PIK3AP1: variants seen among roughly 807,000 people sequenced by gnomAD.
PIK3AP1 encodes phosphoinositide 3-kinase adapter protein 1.
PIK3AP1 carries 21 observed loss-of-function variants against 88.1 expected under a neutral mutation model. The ratio of observed to expected loss-of-function variants is 0.24; its 90% confidence interval spans 0.17 to 0.34. The LOEUF (loss-of-function observed/expected upper bound fraction) is 0.34, where lower values mean the gene tolerates loss of function less well. Ranked by LOEUF, PIK3AP1 falls within the 10% of genes least tolerant of loss-of-function variation. The pLI is 1.00. For missense variants in PIK3AP1, 828 were observed against 1,035.7 expected (o/e 0.80, Z 2.75); for synonymous variants, 398 against 400.0 (o/e 1.00, Z 0.06).
intron 1 of PIK3AP1, among the ~76,000 whole-genome samples, chr10:96,710,213 A>ATTATTTATTTAT (rs10636821): frequency 1.2e-3 from 187 of 149,950 alleles, no homozygotes; most frequent in African/African-American, 4.3e-3. Context: ...ACGCTGTTTT[A>ATTATTTATTTAT]TTATTTATTT....
rs913833144 is a variant in PIK3AP1 at position 96,620,280 on chromosome 10, C to A, written c.1941+72G>T. ...CCAGGTACAGCAATACACAAGACAG[C>A]CATGGCCCAGCCCTCCTCTACTGTC... On this transcript the variant is annotated intron_variant, in intron 12 of 16. Transcript: ENST00000339364. 21 of 1,488,276 alleles carry A rather than the reference C, an allele frequency of 1.4e-5. No homozygotes were observed. The African/African-American group carries it at 2.8e-4, about 20-fold the overall frequency. The allele number at this position is 1,488,276 out of a possible 1,614,324, so 92.2% of individuals were successfully genotyped here. A position where few individuals can be genotyped will look rare whatever the true frequency, so the allele number is the denominator to read the frequency against.
chr10:96,616,803 G>T, intron 12 of PIK3AP1, 92 bp from the exon 13 acceptor site: 1 of 1,220,914 alleles, frequency 8.2e-7, no homozygotes, highest in Non-Finnish European at 1.2e-6. Flanking sequence ...CTGTTTGCAG[G>T]GTATATCACA....
At chr10:96,651,747 G>A in intron 4 of PIK3AP1, 96 bp from the exon 5 acceptor site, 2 of 1,373,638 alleles carry the variant, frequency 1.5e-6, no homozygotes, top group South Asian at 2.7e-5. Context: ...GAGTGGTGAG[G>A]ACACTAATTG....
intron 2 of PIK3AP1, among the ~76,000 whole-genome samples, chr10:96,671,487 C>T: frequency 6.6e-6 from 1 of 152,054 alleles, no homozygotes; most frequent in Non-Finnish European, 1.5e-5. Flanking sequence ...CCACAAGTCA[C>T]CAGCTACCCC....
chr10:96,650,019 T>C (rs1161046034), intron 6 of PIK3AP1, among the ~76,000 whole-genome samples: 4 of 152,230 alleles, frequency 2.6e-5, no homozygotes, highest in Admixed American at 2.6e-4. Flanking sequence ...TTTTTTAACA[T>C]GACAAACCCA....
chr10:96,702,177 G>C (rs1272758552), intron 2 of PIK3AP1, among the ~76,000 whole-genome samples: 1 of 152,116 alleles, frequency 6.6e-6, no homozygotes, highest in Non-Finnish European at 1.5e-5. Flanking sequence ...GGAAGATGCT[G>C]GTCAAAGAGT....
chr10:96,608,379 T>C (rs1052457764), intron 14 of PIK3AP1, among the ~76,000 whole-genome samples: 2 of 152,188 alleles, frequency 1.3e-5, no homozygotes, highest in African/African-American at 4.8e-5. Flanking sequence ...TTGCCCCCAG[T>C]GGGCTTTGCA....
intron 3 of PIK3AP1, among the ~76,000 whole-genome samples, chr10:96,655,980 C>T (rs1431588937): frequency 4.6e-5 from 7 of 152,192 alleles, no homozygotes. Context: ...GTAGGAAGTG[C>T]TTGCCCAATG....
At chr10:96,638,080 T>C (rs956689259) in intron 8 of PIK3AP1, among the ~76,000 whole-genome samples, 2 of 152,186 alleles carry the variant, frequency 1.3e-5, no homozygotes, top group African/African-American at 4.8e-5. Context: ...TGAATGTATT[T>C]TGCATGTGAG....
At chr10:96,617,508 A>G (rs1843010321) in intron 12 of PIK3AP1, among the ~76,000 whole-genome samples, 1 of 152,142 alleles carries the variant, frequency 6.6e-6, no homozygotes, top group Non-Finnish European at 1.5e-5. Flanking sequence ...ACAGCAGGGA[A>G]ACACTGAACA....
rs1428602866 is a variant in PIK3AP1 at position 96,620,377 on chromosome 10, C to A, written c.1916G>T (p.Arg639Leu). Residue 639 changes from arginine (R) to leucine (L), a missense_variant, in exon 12 of 17, where the codon CGA (arginine) becomes CTA (leucine). Coordinates refer to ENST00000339364, the MANE Select transcript of PIK3AP1 (RefSeq NM_152309.3). ...FKEWQLNQKKRSESFRFQQEN... is the reference protein window; with the variant it reads ...FKEWQLNQKKLSESFRFQQEN... The stretch of plus-strand genomic sequence containing the variant: ...CTGCTGGAAACGAAAGGACTCCGAT[C>A]GTTTCTTCTGGTTGAGCTGCCACTC... 3 of 1,614,132 alleles carry A rather than the reference C, an allele frequency of 1.9e-6. No homozygotes were observed. The highest frequency in any genetic ancestry group is 2.2e-5 in the South Asian group (2 of 91,056).
chr10:96,680,678 A>T (rs1467301351), intron 2 of PIK3AP1, among the ~76,000 whole-genome samples: 2 of 152,206 alleles, frequency 1.3e-5, no homozygotes, highest in Admixed American at 1.3e-4. Flanking sequence ...CACAGTGTAT[A>T]TGTACCACAT....
chr10:96,657,482 T>C (rs1843630824), intron 2 of PIK3AP1, among the ~76,000 whole-genome samples: 1 of 152,172 alleles, frequency 6.6e-6, no homozygotes, highest in Non-Finnish European at 1.5e-5. Flanking sequence ...GCAACACCTG[T>C]ACCACGGAAA....
intron 2 of PIK3AP1, among the ~76,000 whole-genome samples, chr10:96,678,795 A>C (rs1269781195): frequency 6.6e-6 from 1 of 152,102 alleles, no homozygotes; most frequent in Admixed American, 6.5e-5. Context: ...CTTTGTATGT[A>C]GTGTTTTGCC....
intron 12 of PIK3AP1, 101 bp downstream of exon 12, chr10:96,620,251 G>T: frequency 8.3e-7 from 1 of 1,201,628 alleles, no homozygotes. Flanking sequence ...ACAGCCACAG[G>T]TGTCCAGGTA....
intron 2 of PIK3AP1, among the ~76,000 whole-genome samples, chr10:96,662,052 A>G (rs1454838938): frequency 3.9e-5 from 6 of 152,238 alleles, no homozygotes; most frequent in Admixed American, 3.9e-4. Flanking sequence ...AACAAAAATC[A>G]CAATCTAAAT....
intron 2 of PIK3AP1, chr10:96,700,865 C>T (rs1844288294): frequency 1.0e-6 from 1 of 985,614 alleles, no homozygotes; most frequent in Non-Finnish European, 1.2e-6. Context: ...GAGGGTCTGA[C>T]TCCCTTCTCT....
At chr10:96,696,514 T>C (rs1844223585) in intron 2 of PIK3AP1, among the ~76,000 whole-genome samples, 1 of 152,216 alleles carries the variant, frequency 6.6e-6, no homozygotes, top group Non-Finnish European at 1.5e-5. Context: ...CTCTGGGTCA[T>C]GTGAATGGCT....
chr10:96,677,264 C>G (rs117619397), intron 2 of PIK3AP1, among the ~76,000 whole-genome samples: 2 of 152,112 alleles, frequency 1.3e-5, no homozygotes, highest in African/African-American at 4.8e-5. Context: ...CTTCTTTTGC[C>G]TCTTGTTTGC....
Sources: gnomAD v4.1 joint callset for allele counts (sites outside exome capture counted in the v4.1 genomes callset) on GRCh38, gnomAD v4.1.1 for gene constraint, MANE v1.5 for transcripts, NCBI Gene and HGNC (gene_info 2026-07-23, HGNC 2026-07-21) for gene names.